The following TRIO variants were observed in gnomAD, a reference collection of about 807,000 sequenced individuals.
TRIO encodes trio Rho guanine nucleotide exchange factor, also known as triple functional domain protein.
In TRIO, 58 loss-of-function variants were observed where a neutral mutation model predicts 351.9. The ratio of observed to expected loss-of-function variants is 0.16; its 90% CI spans 0.13 to 0.21. The LOEUF is 0.21. TRIO is among the 10% of genes least tolerant of loss of function. The pLI is 1.00. For missense variants in TRIO, 3,201 were observed against 4,027.8 expected, an observed-to-expected ratio of 0.79 and a Z score of 5.56; for synonymous variants, 1,758 against 1,595.7, an observed-to-expected ratio of 1.10 and a Z score of -2.42.
chr5:14,240,497 CTTTCCCTTGTGGTGAACAGTTGCA>C (rs1794063707), intron 1 of TRIO, among the ~76,000 whole-genome samples: 1 of 152,208 alleles, frequency 6.6e-6, no homozygotes, highest in South Asian at 2.1e-4. Flanking sequence ...TTCTTCTCCT[CTTTCCCTTGTGGTGAACAGTTGCA>C]TTTAAGCATT....
chr5:14,491,181 G>A (rs1382215341), intron 48 of TRIO, among the ~76,000 whole-genome samples: 7 of 152,174 alleles, frequency 4.6e-5, no homozygotes, highest in Non-Finnish European at 1.0e-4. Flanking sequence ...CATGGAGGAG[G>A]GCCAGAGGTC....
At chr5:14,463,423 T>C (rs1191692056) in intron 36 of TRIO, among the ~76,000 whole-genome samples, 3 of 152,194 alleles carry the variant, frequency 2.0e-5, no homozygotes, top group Non-Finnish European at 4.4e-5. Context: ...TACGCTAGAG[T>C]GCAGGCATAG....
Position 14,283,418 on chromosome 5 carries a change from A to T in TRIO, c.347+2982A>T, listed in dbSNP as rs1736176492. On this transcript the variant is annotated intron_variant, in intron 3 of 56. Transcript: ENST00000344204. ...GACTGACTGTGACCTGGGACACATG[A>T]CTTCACTTTCATTGCTTTCCTGATC... Among the ~76,000 whole-genome samples the T allele has an allele frequency of 4.6e-5, 7 of 152,284 alleles. No individual in the cohort carries two copies. In the South Asian group the frequency reaches 1.5e-3, roughly 32 times the overall value.
At chr5:14,379,980 G>A (rs1299680143) in intron 20 of TRIO, among the ~76,000 whole-genome samples, 3 of 152,186 alleles carry the variant, frequency 2.0e-5, no homozygotes, top group Middle Eastern at 3.4e-3. Flanking sequence ...AGGCCTCACT[G>A]CTCTCCTTCC....
chr5:14,158,169 G>A (rs1485727397), intron 1 of TRIO, among the ~76,000 whole-genome samples: 1 of 152,178 alleles, frequency 6.6e-6, no homozygotes. Context: ...GCTCACACCT[G>A]TAATCCCAGC....
At chr5:14,285,983 G>A (rs147499272) in intron 3 of TRIO, among the ~76,000 whole-genome samples, 2 of 152,134 alleles carry the variant, frequency 1.3e-5, no homozygotes, top group Non-Finnish European at 2.9e-5. Flanking sequence ...TTTAACCTGT[G>A]TTTAAGGACA....
chr5:14,459,714 G>A (rs1753626531), intron 34 of TRIO, among the ~76,000 whole-genome samples: 1 of 152,078 alleles, frequency 6.6e-6, no homozygotes, highest in Non-Finnish European at 1.5e-5. Context: ...CTCCAGCCTG[G>A]GTGACAGAGC....
At chr5:14,241,005 G>A (rs1204124964) in intron 1 of TRIO, among the ~76,000 whole-genome samples, 1 of 152,152 alleles carries the variant, frequency 6.6e-6, no homozygotes, top group Non-Finnish European at 1.5e-5. Flanking sequence ...TAAAATACTG[G>A]TGAGGTTTTT....
At chr5:14,190,997 C>G (rs914947797) in intron 1 of TRIO, among the ~76,000 whole-genome samples, 1 of 152,172 alleles carries the variant, frequency 6.6e-6, no homozygotes, top group African/African-American at 2.4e-5. Context: ...TAATTAATAA[C>G]TAGCGCAGCG....
intron 34 of TRIO, among the ~76,000 whole-genome samples, chr5:14,459,894 C>T (rs918034562): frequency 6.6e-6 from 1 of 152,052 alleles, no homozygotes; most frequent in Non-Finnish European, 1.5e-5. Flanking sequence ...GGCTTCCCCT[C>T]CTCACATTTC....
intron 2 of TRIO, 63 bp downstream of exon 2, chr5:14,270,962 T>A: frequency 1.7e-6 from 2 of 1,208,224 alleles, no homozygotes; most frequent in Non-Finnish European, 1.2e-6. Context: ...GAGTCTGACG[T>A]AATAAATGAA....
intron 1 of TRIO, among the ~76,000 whole-genome samples, chr5:14,175,279 A>T (rs1789337637): frequency 6.6e-6 from 1 of 152,312 alleles, no homozygotes; most frequent in Non-Finnish European, 1.5e-5. Context: ...CAGAATGTGC[A>T]GGTTTGTTAC....
chr5:14,152,671 T>G (rs2152116608), intron 1 of TRIO, among the ~76,000 whole-genome samples: 1 of 152,304 alleles, frequency 6.6e-6, no homozygotes, highest in South Asian at 2.1e-4. Context: ...CGTCCGTATT[T>G]CACGCTTTTT....
At chr5:14,456,708 T>C (rs1191573387) in intron 34 of TRIO, among the ~76,000 whole-genome samples, 1 of 152,200 alleles carries the variant, frequency 6.6e-6, no homozygotes, top group Non-Finnish European at 1.5e-5. Context: ...GCTCTGTGTT[T>C]ATGGTGTGAT....
chr5:14,275,894 A>G (rs1326597624), intron 2 of TRIO, among the ~76,000 whole-genome samples: 2 of 145,696 alleles, frequency 1.4e-5, no homozygotes, highest in South Asian at 4.2e-4. Context: ...GTTTATATAT[A>G]TGTGTTTATA....
intron 9 of TRIO, among the ~76,000 whole-genome samples, chr5:14,319,517 A>G (rs892897908): frequency 3.3e-5 from 5 of 152,232 alleles, no homozygotes; most frequent in Admixed American, 2.6e-4. Flanking sequence ...GTACTTTAGA[A>G]GGACGTTACC....
intron 1 of TRIO, among the ~76,000 whole-genome samples, chr5:14,158,695 G>A (rs1788257282): frequency 6.6e-6 from 1 of 152,124 alleles, no homozygotes; most frequent in Non-Finnish European, 1.5e-5. Flanking sequence ...GCTGGGCTTG[G>A]TGGCGTGCAC....
chr5:14,392,281 A>G (rs928022911), intron 27 of TRIO, among the ~76,000 whole-genome samples: 2 of 152,212 alleles, frequency 1.3e-5, no homozygotes, highest in Non-Finnish European at 2.9e-5. Flanking sequence ...AAGGATATGA[A>G]CAGACACTTT....
intron 23 of TRIO, 72 bp from the exon 24 acceptor site, chr5:14,388,541 T>A: frequency 3.5e-6 from 5 of 1,430,700 alleles, no homozygotes; most frequent in Non-Finnish European, 4.9e-6. Flanking sequence ...TGTTATTTCA[T>A]AAATCCATAA....
Sources: allele counts gnomAD v4.1 joint callset (sites outside exome capture counted in the v4.1 genomes callset), GRCh38; gene constraint gnomAD v4.1.1; transcripts MANE v1.5; gene names NCBI Gene and HGNC (gene_info 2026-07-23, HGNC 2026-07-21).